The following APOLD1 variants were observed in gnomAD, a reference collection of about 807,000 sequenced individuals.
APOLD1 encodes the protein apolipoprotein L domain-containing protein 1.
In APOLD1, 22 loss-of-function variants were observed where a neutral mutation model predicts 15.3. The ratio of observed to expected loss-of-function variants is 1.44; its 90% CI spans 1.03 to 2.05. APOLD1 has a LOEUF of 2.05. APOLD1 is among the 30% of genes most tolerant of loss of function. The pLI is 0.00. For missense variants in APOLD1, 394 were observed against 353.5 expected, an observed-to-expected ratio of 1.11 and a Z score of -0.92; for synonymous variants, 190 against 167.4, an observed-to-expected ratio of 1.13 and a Z score of -1.04.
intron 1 of APOLD1, among the ~76,000 whole-genome samples, chr12:12,761,519 G>A (rs1946898181): frequency 6.6e-6 from 1 of 151,920 alleles, no homozygotes; most frequent in African/African-American, 2.4e-5. Flanking sequence ...TTTTGTTCAA[G>A]CAATTTCAAT....
chr12:12,755,624 T>C (rs910746549), intron 1 of APOLD1, among the ~76,000 whole-genome samples: 17 of 152,182 alleles, frequency 1.1e-4, no homozygotes, highest in African/African-American at 4.1e-4. Context: ...GTGGATTGCT[T>C]AAGCTCAGGA....
At chr12:12,764,463 T>C (rs975830876) in intron 1 of APOLD1, among the ~76,000 whole-genome samples, 2 of 152,238 alleles carry the variant, frequency 1.3e-5, no homozygotes, top group Non-Finnish European at 2.9e-5. Context: ...CAACCACATA[T>C]GTGAAATGCA....
At chr12:12,730,890 C>T (rs955064207) in intron 1 of APOLD1, among the ~76,000 whole-genome samples, 5 of 151,848 alleles carry the variant, frequency 3.3e-5, no homozygotes, top group Admixed American at 6.6e-5. Flanking sequence ...GCCTGTAATC[C>T]CAGCACTTTG....
At chr12:12,759,912 T>C (rs1158519733) in intron 1 of APOLD1, among the ~76,000 whole-genome samples, 1 of 152,210 alleles carries the variant, frequency 6.6e-6, no homozygotes, top group Non-Finnish European at 1.5e-5. Context: ...TAGAAGAGTC[T>C]ATGATTATTA....
At chr12:12,785,147 C>G (rs1947114411), upstream of APOLD1, among the ~76,000 whole-genome samples, 1 of 152,274 alleles carries the variant, frequency 6.6e-6, no homozygotes, top group African/African-American at 2.4e-5. Flanking sequence ...TGCAGGGTAC[C>G]CGCTGCATGC....
At chr12:12,729,758 AAAAAT>A (rs1294044381) in intron 1 of APOLD1, among the ~76,000 whole-genome samples, 34 of 151,912 alleles carry the variant, frequency 2.2e-4, no homozygotes, top group African/African-American at 7.7e-4. Context: ...GCAGCTCTAA[AAAAAT>A]AAAATAATAA....
chr12:12,769,767 T>C (rs567280055), intron 1 of APOLD1, among the ~76,000 whole-genome samples: 1 of 152,322 alleles, frequency 6.6e-6, no homozygotes, highest in East Asian at 1.9e-4. Flanking sequence ...TCTAGCTATG[T>C]TGTCCCACCT....
intron 1 of APOLD1, among the ~76,000 whole-genome samples, chr12:12,730,997 C>T (rs1464573008): frequency 4.6e-5 from 7 of 151,864 alleles, no homozygotes; most frequent in East Asian, 3.9e-4. Flanking sequence ...AAAAATTAGC[C>T]GGGCGTGGTG....
intron 1 of APOLD1, among the ~76,000 whole-genome samples, chr12:12,761,140 A>T (rs1203428394): frequency 6.6e-6 from 1 of 152,208 alleles, no homozygotes; most frequent in Non-Finnish European, 1.5e-5. Context: ...TGTATTTTTA[A>T]TCATGTGCTT....
At chr12:12,767,124 T>A (rs147113086) in intron 1 of APOLD1, among the ~76,000 whole-genome samples, 169 of 152,022 alleles carry the variant, frequency 1.1e-3, no homozygotes, top group African/African-American at 4.0e-3. Context: ...TGCATGCCTA[T>A]AGTCCCAGCT....
upstream of APOLD1, among the ~76,000 whole-genome samples, chr12:12,781,220 A>C (rs1947077170): frequency 6.6e-6 from 1 of 152,144 alleles, no homozygotes; most frequent in Admixed American, 6.5e-5. Context: ...AGGCGTGTGG[A>C]TCACCTGAGG....
chr12:12,783,209 A>C (rs1947097950), upstream of APOLD1, among the ~76,000 whole-genome samples: 1 of 152,172 alleles, frequency 6.6e-6, no homozygotes, highest in Non-Finnish European at 1.5e-5. Flanking sequence ...CCGTCTCAAA[A>C]ATAAATAAAT....
At chr12:12,776,003 C>A (rs373908534) in intron 1 of APOLD1, among the ~76,000 whole-genome samples, 677 of 62,086 alleles carry the variant, frequency 0.011, no homozygotes, top group African/African-American at 0.019. Flanking sequence ...GACCCAGTCT[C>A]AAAAAAAAAA....
intron 1 of APOLD1, among the ~76,000 whole-genome samples, chr12:12,754,202 C>A (rs201134839): frequency 4.9e-4 from 38 of 78,296 alleles, no homozygotes; most frequent in East Asian, 1.3e-3. Context: ...GACTCTGTCT[C>A]AAAAAAAAAA....
intron 1 of APOLD1, among the ~76,000 whole-genome samples, chr12:12,740,221 T>C (rs554577263): frequency 6.6e-6 from 1 of 152,264 alleles, no homozygotes; most frequent in East Asian, 1.9e-4. Flanking sequence ...GACCTCGTGA[T>C]CCGCCTGCCT....
At chr12:12,731,439 C>G (rs1051238157) in intron 1 of APOLD1, among the ~76,000 whole-genome samples, 1 of 152,132 alleles carries the variant, frequency 6.6e-6, no homozygotes, top group African/African-American at 2.4e-5. Context: ...TCTGAAAGGA[C>G]TTGGTATAGA....
rs12829547 is a variant in APOLD1 at position 12,776,953 on chromosome 12, A to G, written c.97-9956A>G. On this transcript the variant is annotated intron_variant, in intron 1 of 1. Coordinates refer to the APOLD1 transcript ENST00000326765. ...GAAAAGTGTATTTTTTAAATAAAAAATGATCAAAATTATATTCATCTGAAG... is the reference window on the plus strand; with the variant it reads ...GAAAAGTGTATTTTTTAAATAAAAAGTGATCAAAATTATATTCATCTGAAG... Among the ~76,000 whole-genome samples, 521 of 152,354 alleles carry G rather than the reference A, an allele frequency of 3.4e-3. 1 individual carries two copies. The highest frequency in any genetic ancestry group is 6.1e-3 in the Non-Finnish European group (418 of 68,040).
At chr12:12,757,692 T>C (rs1192317400) in intron 1 of APOLD1, among the ~76,000 whole-genome samples, 2 of 151,052 alleles carry the variant, frequency 1.3e-5, no homozygotes, top group African/African-American at 4.9e-5. Flanking sequence ...AATCATTTTA[T>C]TGAGAGGTAA....
In APOLD1 at chr12:12,787,584, T is replaced by A; in HGVS notation, c.679T>A (p.Cys227Ser). Reference sequence around the variant, plus strand: ...GCAGCTGGAGTCTCGGGTTCAGCTCTGCACCAAGTCCAGTCGTGGCCACGA... The same window carrying A: ...GCAGCTGGAGTCTCGGGTTCAGCTCAGCACCAAGTCCAGTCGTGGCCACGA... ...SEQLESRVQL[C>S]TKSSRGHDLK... The change falls in exon 2 of 2, where the codon TGC becomes AGC. Residue 227 changes from cysteine (C) to serine (S), a missense_variant. Cys to Ser is a moderately radical substitution (Grantham distance 112). Coordinates refer to ENST00000356591, the MANE Select transcript of APOLD1 (RefSeq NM_030817.3). The surrounding 1 kb of genome is among the most constrained non-coding windows in gnomAD (Gnocchi z 4.9). 1.9e-6 allele frequency: 3 copies of A among 1,612,698 alleles called. No individual in the cohort carries two copies.
Sources: allele counts gnomAD v4.1 joint callset (sites outside exome capture counted in the v4.1 genomes callset), GRCh38; gene constraint gnomAD v4.1.1; non-coding constraint Gnocchi (gnomAD v3.1); transcripts MANE v1.5; gene names NCBI Gene and HGNC (gene_info 2026-07-23, HGNC 2026-07-21).